Variants in SEZ6L observed in about 807,000 individuals in gnomAD.
The protein encoded by SEZ6L is seizure 6-like protein.
Under a neutral mutation model 106.2 loss-of-function variants are expected in SEZ6L, and 37 were observed. The observed-to-expected ratio is 0.35, with a 90% CI of 0.27 to 0.46. The LOEUF (loss-of-function observed/expected upper bound fraction) is 0.46. Ranked by LOEUF, SEZ6L falls within the 20% of genes least tolerant of loss-of-function variation. The pLI is 1.00. For missense variants in SEZ6L, 1,172 were observed against 1,332.8 expected (o/e 0.88, Z 1.88); for synonymous variants, 541 against 570.4 (o/e 0.95, Z 0.73).
intron 1 of SEZ6L, among the ~76,000 whole-genome samples, chr22:26,286,601 T>A (rs189900465): frequency 6.6e-6 from 1 of 152,298 alleles, no homozygotes; most frequent in African/African-American, 2.4e-5. Context: ...AGCAGTAGCA[T>A]CTCCCAGCTC....
At position 26,265,983 on chromosome 22, in the gene SEZ6L, C is replaced by A. The variant is rs1432329877; in HGVS notation, c.95-26423C>A. On this transcript the variant is annotated intron_variant, in intron 1 of 16. Coordinates refer to ENST00000248933, the MANE Select transcript of SEZ6L (RefSeq NM_021115.5). The stretch of plus-strand genomic sequence containing the variant: ...TTCCTGAAAACAAGTCATTATAATG[C>A]AACATACAAGGCTCTCCACCTGATC... Among the ~76,000 whole-genome samples, 3 of 152,202 alleles carry A rather than the reference C, an allele frequency of 2.0e-5. No individual in the cohort carries two copies. In the East Asian group the frequency reaches 5.8e-4, roughly 29 times the overall value.
intron 12 of SEZ6L, among the ~76,000 whole-genome samples, chr22:26,354,765 G>GCCTC (rs901181488): frequency 6.6e-6 from 1 of 152,226 alleles, no homozygotes; most frequent in Non-Finnish European, 1.5e-5. Flanking sequence ...CAAGACGCAA[G>GCCTC]CCTCCCTCCC....
At position 26,358,281 on chromosome 22, in the gene SEZ6L, C is replaced by T. The variant is rs146508680; in HGVS notation, c.2599+7038C>T. Among the ~76,000 whole-genome samples, 341 of 152,332 alleles carry T rather than the reference C, an allele frequency of 2.2e-3. 3 individuals carry two copies. The highest frequency in any genetic ancestry group is 7.6e-3 in the African/African-American group (317 of 41,568). ...AAATGGACAGCACTAAAAACCAGCA[C>T]GTCCAGGTTTGTACCCCAGCCCTGC... On this transcript the variant is annotated intron_variant, in intron 12 of 16. Transcript: ENST00000248933.
chr22:26,342,952 C>G (rs927267460), intron 10 of SEZ6L, among the ~76,000 whole-genome samples: 1 of 152,116 alleles, frequency 6.6e-6, no homozygotes, highest in African/African-American at 2.4e-5. Flanking sequence ...ATTTTTCATC[C>G]CTGCCTGCTA....
chr22:26,277,601 G>T lies in SEZ6L; in HGVS notation c.95-14805G>T, dbSNP rs190559684. 9.2e-5 allele frequency among the ~76,000 whole-genome samples: 14 copies of T among 152,228 alleles called. 1 individual carries two copies. The highest frequency in any genetic ancestry group is 3.4e-3 in the Middle Eastern group (1 of 294). On this transcript the variant is annotated intron_variant, in intron 1 of 16. Coordinates refer to ENST00000248933, the MANE Select transcript of SEZ6L (RefSeq NM_021115.5). ...TTTATCTAGGATTAATTTTACCAAG[G>T]ATTAACCTTTGTGATAACCAGTAGC...
Position 26,381,866 on chromosome 22 carries a change from T to G in SEZ6L, c.*1571T>G. On this transcript the variant is annotated 3_prime_UTR_variant, in exon 17 of 17. Coordinates refer to ENST00000248933, the MANE Select transcript of SEZ6L (RefSeq NM_021115.5). ...GGAACCCTCTTTGGTGCCCTCCCAT[T>G]CTCTCTGGAATTGTTTCAAGTCTGC... is the stretch of plus-strand genomic sequence containing the variant. 2.7e-6 allele frequency: 1 copy of G among 374,940 alleles called. No individual in the cohort carries two copies. The allele number at this position is 374,940 out of a possible 1,614,324, so 23.2% of individuals were successfully genotyped here.
chr22:26,258,335 A>G (rs2079892121), intron 1 of SEZ6L, among the ~76,000 whole-genome samples: 1 of 152,236 alleles, frequency 6.6e-6, no homozygotes, highest in Non-Finnish European at 1.5e-5. Flanking sequence ...GTGAATGGTT[A>G]CAGGACAGTG....
intron 9 of SEZ6L, among the ~76,000 whole-genome samples, chr22:26,338,850 C>T (rs959556469): frequency 6.0e-5 from 7 of 116,318 alleles, no homozygotes; most frequent in South Asian, 2.6e-4. Context: ...GCCACCACGC[C>T]CGGACTTTTT....
intron 1 of SEZ6L, among the ~76,000 whole-genome samples, chr22:26,277,464 C>G (rs1024430401): frequency 6.6e-6 from 1 of 152,190 alleles, no homozygotes; most frequent in Non-Finnish European, 1.5e-5. Context: ...ATGAAGAGAA[C>G]AGCAAGAAAT....
At chr22:26,316,978 A>G (rs1215960528) in intron 9 of SEZ6L, among the ~76,000 whole-genome samples, 1 of 152,070 alleles carries the variant, frequency 6.6e-6, no homozygotes, top group African/African-American at 2.4e-5. Flanking sequence ...GAGGGAGGAC[A>G]GGACAGGAAA....
intron 1 of SEZ6L, among the ~76,000 whole-genome samples, chr22:26,170,228 C>A (rs908013645): frequency 2.6e-5 from 4 of 152,134 alleles, no homozygotes; most frequent in East Asian, 1.9e-4. Context: ...GCCGCTCCCC[C>A]CGACACCACA....
intron 2 of SEZ6L, 31 bp downstream of exon 2, chr22:26,293,177 T>C: frequency 6.8e-7 from 1 of 1,476,834 alleles, no homozygotes. Flanking sequence ...GAAGCCATCC[T>C]GAAACAGCCA....
chr22:26,223,605 G>GA lies in SEZ6L; in HGVS notation c.94+53851dup, dbSNP rs199899561. On this transcript the variant is annotated intron_variant, in intron 1 of 16. Coordinates refer to ENST00000248933, the MANE Select transcript of SEZ6L (RefSeq NM_021115.5). ...CTGATTTTTAGCTGTGTGTCCCTGA[G>GA]AAAAAAAAATCCCTTCATTTCTCTG... Among the ~76,000 whole-genome samples, 48 of 146,026 alleles carry GA rather than the reference G, an allele frequency of 3.3e-4. 1 individual carries two copies. Among genetic ancestry groups the GA allele is most frequent in the African/African-American group, 7.9e-4 (32 of 40,406 alleles).
chr22:26,360,217 C>T (rs1361674951), intron 12 of SEZ6L, among the ~76,000 whole-genome samples: 1 of 152,146 alleles, frequency 6.6e-6, no homozygotes, highest in Non-Finnish European at 1.5e-5. Flanking sequence ...ACAGGATAAC[C>T]CAAGGCCATT....
chr22:26,294,612 T>C (rs2081236886), intron 3 of SEZ6L, among the ~76,000 whole-genome samples, 187 bp downstream of exon 3: 1 of 152,104 alleles, frequency 6.6e-6, no homozygotes, highest in South Asian at 2.1e-4. Flanking sequence ...AAATAGCTTG[T>C]GGGGATAGAG....
chr22:26,359,949 C>G (rs1274971233), intron 12 of SEZ6L, among the ~76,000 whole-genome samples: 1 of 152,166 alleles, frequency 6.6e-6, no homozygotes, highest in African/African-American at 2.4e-5. Context: ...TAAATGTTGG[C>G]TGTTTTGGTC....
Position 26,318,378 on chromosome 22 carries a change from T to C in SEZ6L, c.2015+4476T>C, listed in dbSNP as rs554046232. 2.0e-5 allele frequency among the ~76,000 whole-genome samples: 3 copies of C among 149,150 alleles called. No homozygotes were observed. In the South Asian group the frequency reaches 6.6e-4, roughly 33 times the overall value. On this transcript the variant is annotated intron_variant, in intron 9 of 16. Transcript: ENST00000248933. ...TGTGAGCCACTGCCCCGGGCCATAATTTCAATTTTTAAAAATAGCATCCCC... is the reference window on the plus strand; with the variant it reads ...TGTGAGCCACTGCCCCGGGCCATAACTTCAATTTTTAAAAATAGCATCCCC...
intron 8 of SEZ6L, among the ~76,000 whole-genome samples, 154 bp from the exon 9 acceptor site, chr22:26,313,610 A>T (rs2081910833): frequency 1.5e-5 from 2 of 137,140 alleles, no homozygotes; most frequent in Non-Finnish European, 1.6e-5. Flanking sequence ...ACACGCACAC[A>T]CACACACGTG....
chr22:26,205,433 C>T (rs979848584), intron 1 of SEZ6L, among the ~76,000 whole-genome samples: 1 of 152,218 alleles, frequency 6.6e-6, no homozygotes, highest in Admixed American at 6.5e-5. Flanking sequence ...GACCTTCTTC[C>T]TCAGGTTTAC....
Sources: gnomAD v4.1 joint callset for allele counts (sites outside exome capture counted in the v4.1 genomes callset) on GRCh38, gnomAD v4.1.1 for gene constraint, MANE v1.5 for transcripts, NCBI Gene and HGNC (gene_info 2026-07-23, HGNC 2026-07-21) for gene names.